MBOAT1: variants seen among roughly 807,000 people sequenced by gnomAD.
MBOAT1 encodes membrane-bound glycerophospholipid O-acyltransferase 1.
A neutral mutation model predicts 64.4 loss-of-function variants in MBOAT1; 67 were observed. That is an observed-to-expected ratio of 1.04 (90% CI 0.85 to 1.27). MBOAT1 has a LOEUF of 1.27. Among genes scored for constraint, MBOAT1 ranks in the 50% most tolerant of loss-of-function variants. The pLI is 0.00. For synonymous variants in MBOAT1, 229 were observed against 218.9 expected, an observed-to-expected ratio of 1.05 and a Z score of -0.41; for missense variants, 563 against 604.6, an observed-to-expected ratio of 0.93 and a Z score of 0.72.
chr6:20,120,006 C>CATGTGTGT (rs1554116218), intron 8 of MBOAT1, among the ~76,000 whole-genome samples: 4 of 150,738 alleles, frequency 2.7e-5, no homozygotes, highest in South Asian at 2.1e-4. Flanking sequence ...TGTGTGTGTG[C>CATGTGTGT]GTGTGTGTGT....
chr6:20,152,813 G>T, intron 1 of MBOAT1, 44 bp from the exon 2 acceptor site: 1 of 1,563,512 alleles, frequency 6.4e-7, no homozygotes, highest in Non-Finnish European at 8.7e-7. Flanking sequence ...TGTGAATTTC[G>T]TCTTGGTTTT....
intron 4 of MBOAT1, among the ~76,000 whole-genome samples, chr6:20,131,912 TCACTCTGTTG>T (rs1298769112): frequency 6.6e-6 from 1 of 150,992 alleles, no homozygotes; most frequent in Admixed American, 6.6e-5. Flanking sequence ...CATTTTTTTT[TCACTCTGTTG>T]CCCAGGGTGG....
chr6:20,171,217 T>C (rs762248638), intron 1 of MBOAT1, among the ~76,000 whole-genome samples: 2 of 152,132 alleles, frequency 1.3e-5, no homozygotes, highest in Non-Finnish European at 2.9e-5. Flanking sequence ...TGTTCCTCTC[T>C]AATATATAGG....
At chr6:20,102,604 C>A (rs1311389544) in intron 12 of MBOAT1, among the ~76,000 whole-genome samples, 192 bp from the exon 13 acceptor site, 2 of 152,120 alleles carry the variant, frequency 1.3e-5, no homozygotes, top group East Asian at 1.9e-4. Flanking sequence ...CACAGATAGA[C>A]TGAAACCACA....
intron 1 of MBOAT1, among the ~76,000 whole-genome samples, chr6:20,207,080 A>C (rs1187154616): frequency 4.6e-5 from 7 of 152,272 alleles, no homozygotes; most frequent in Admixed American, 2.6e-4. Flanking sequence ...TGCTGAAAGA[A>C]AAAAAGCACA....
intron 1 of MBOAT1, among the ~76,000 whole-genome samples, chr6:20,170,479 C>T (rs1762158967): frequency 6.6e-6 from 1 of 152,234 alleles, no homozygotes; most frequent in Non-Finnish European, 1.5e-5. Context: ...ATCTCCCTCT[C>T]TAACACCCCA....
rs1253377212 is a variant in MBOAT1 at position 20,101,881 on chromosome 6, C to T, written c.*405G>A. ...CTGTAATCCCAGCACTTTGGGAGGC[C>T]GAGGCGGGCGGATCACGAGGTCAGG... On this transcript the variant is annotated 3_prime_UTR_variant, in exon 13 of 13. Coordinates refer to ENST00000324607, the MANE Select transcript of MBOAT1 (RefSeq NM_001080480.3). Among the ~76,000 whole-genome samples the T allele has an allele frequency of 6.6e-6, 1 of 151,776 alleles. No individual in the cohort carries two copies. Among genetic ancestry groups the T allele is most frequent in the Non-Finnish European group, 1.5e-5 (1 of 67,940 alleles).
At chr6:20,176,549 T>C (rs1189062054) in intron 1 of MBOAT1, among the ~76,000 whole-genome samples, 1 of 152,228 alleles carries the variant, frequency 6.6e-6, no homozygotes, top group African/African-American at 2.4e-5. Context: ...AAAATATTAA[T>C]ACTGATAACA....
chr6:20,115,568 T>G (rs553817867), intron 9 of MBOAT1, among the ~76,000 whole-genome samples: 1 of 152,322 alleles, frequency 6.6e-6, no homozygotes, highest in Admixed American at 6.5e-5. Context: ...AAGTCTCAAT[T>G]TTTTTTCAAC....
intron 4 of MBOAT1, 30 bp downstream of exon 4, chr6:20,144,190 A>C: frequency 4.0e-5 from 58 of 1,466,784 alleles, no homozygotes; most frequent in Non-Finnish European, 5.3e-5. Flanking sequence ...GTCAGCAGTA[A>C]AACCCCTCTC....
At chr6:20,130,075 AG>A (rs1760772140) in intron 5 of MBOAT1, among the ~76,000 whole-genome samples, 1 of 152,240 alleles carries the variant, frequency 6.6e-6, no homozygotes, top group Admixed American at 6.5e-5. Flanking sequence ...ACTAGCTGTC[AG>A]AGATAAATTT....
intron 1 of MBOAT1, among the ~76,000 whole-genome samples, chr6:20,195,161 C>A (rs1762920624): frequency 6.6e-6 from 1 of 152,120 alleles, no homozygotes; most frequent in Non-Finnish European, 1.5e-5. Context: ...CCATGATGCC[C>A]AGGCTAGTCT....
At chr6:20,149,119 A>C (rs1363666297) in intron 3 of MBOAT1, among the ~76,000 whole-genome samples, 1 of 144,318 alleles carries the variant, frequency 6.9e-6, no homozygotes, top group Non-Finnish European at 1.5e-5. Context: ...AAAAAAAAAA[A>C]CCAAACAAAA....
chr6:20,157,963 C>A lies in MBOAT1; in HGVS notation c.100-5194G>T, dbSNP rs151114728. On this transcript the variant is annotated intron_variant, in intron 1 of 12. Transcript: ENST00000324607. ...CTGAGGTCAGGAGTTTGAGACCAGC[C>A]TGGCCAACATGACGAAACCCTGTGT... 2.7e-3 allele frequency among the ~76,000 whole-genome samples: 409 copies of A among 152,044 alleles called. 13 individuals carry two copies. The East Asian group carries it at 0.07, about 26-fold the overall frequency.
At chr6:20,162,956 A>G (rs906851349) in intron 1 of MBOAT1, among the ~76,000 whole-genome samples, 1 of 152,222 alleles carries the variant, frequency 6.6e-6, no homozygotes, top group Admixed American at 6.5e-5. Flanking sequence ...GCTCAGAGAA[A>G]GAGTCCTTAT....
intron 8 of MBOAT1, among the ~76,000 whole-genome samples, chr6:20,119,267 T>C (rs1760423438): frequency 6.6e-6 from 1 of 152,214 alleles, no homozygotes; most frequent in Admixed American, 6.5e-5. Context: ...CTTTATCTTA[T>C]GCCACTGAAC....
chr6:20,121,514 A>G (rs1760492532), intron 8 of MBOAT1, among the ~76,000 whole-genome samples: 1 of 152,206 alleles, frequency 6.6e-6, no homozygotes, highest in African/African-American at 2.4e-5. Context: ...AGGAAGGGGT[A>G]CCTCTACACT....
intron 1 of MBOAT1, among the ~76,000 whole-genome samples, chr6:20,158,071 G>A (rs535506065): frequency 2.0e-5 from 3 of 150,990 alleles, no homozygotes; most frequent in Admixed American, 6.6e-5. Flanking sequence ...CAGGACAATC[G>A]CTGGAACCTG....
intron 9 of MBOAT1, among the ~76,000 whole-genome samples, chr6:20,116,001 A>AG (rs905913549): frequency 2.0e-5 from 3 of 151,488 alleles, no homozygotes; most frequent in Non-Finnish European, 4.4e-5. Context: ...ATTAGAAAAA[A>AG]AAAAAGAAAA....
Sources: gnomAD v4.1 joint callset for allele counts (sites outside exome capture counted in the v4.1 genomes callset) on GRCh38, gnomAD v4.1.1 for gene constraint, MANE v1.5 for transcripts, NCBI Gene and HGNC (gene_info 2026-07-23, HGNC 2026-07-21) for gene names.